The following RPS6KA6 variants were observed in gnomAD, a reference collection of about 807,000 sequenced individuals.
The protein encoded by RPS6KA6 is ribosomal protein S6 kinase alpha-6.
Under a neutral mutation model 65.4 loss-of-function variants are expected in RPS6KA6, and 27 were observed. The observed-to-expected ratio is 0.41, with a 90% CI of 0.30 to 0.57. The LOEUF is 0.57. RPS6KA6 is among the 20% of genes least tolerant of loss of function. RPS6KA6 has a pLI of 0.24. For missense variants in RPS6KA6, 486 were observed against 555.6 expected (o/e 0.87, Z 1.26); for synonymous variants, 190 against 184.2 (o/e 1.03, Z -0.26).
At chrX:84,159,904 A>G in intron 2 of RPS6KA6, among the ~76,000 whole-genome samples, 1 of 110,691 alleles carries the variant, frequency 9.0e-6, no homozygotes, top group Admixed American at 9.6e-5. Flanking sequence ...GAGAAGACTC[A>G]TCTATAAGCT....
In RPS6KA6 at chrX:84,062,160, G is replaced by T. The variant is rs1363367417; in HGVS notation, c.*2117C>A. On this transcript the variant is annotated 3_prime_UTR_variant, in exon 22 of 22. Coordinates refer to ENST00000262752, the MANE Select transcript of RPS6KA6 (RefSeq NM_014496.5). Reference sequence around the variant, plus strand: ...TTAATTCTTATAGTGTTCCTTTTATGATAGGACTGTATGGCATGACCTTTC... The same window carrying T: ...TTAATTCTTATAGTGTTCCTTTTATTATAGGACTGTATGGCATGACCTTTC... 9.0e-6 allele frequency: 1 copy of T among 111,419 alleles called. No homozygotes were observed. Among genetic ancestry groups the T allele is most frequent in the Non-Finnish European group, 1.9e-5 (1 of 52,910 alleles). The allele number at this position is 111,419 out of a possible 1,213,427, so 9.2% of individuals were successfully genotyped here.
intron 12 of RPS6KA6, among the ~76,000 whole-genome samples, chrX:84,114,022 C>T (rs978520470): frequency 1.8e-5 from 2 of 111,584 alleles, no homozygotes; most frequent in Non-Finnish European, 1.9e-5. Context: ...TTCTAATTAA[C>T]AATCTCATTA....
At chrX:84,135,488 G>A (rs2034976891) in intron 6 of RPS6KA6, among the ~76,000 whole-genome samples, 1 of 111,127 alleles carries the variant, frequency 9.0e-6, no homozygotes. Context: ...CTTCTCACAC[G>A]AAATGCAAAG....
intron 1 of RPS6KA6, among the ~76,000 whole-genome samples, 167 bp from the exon 2 acceptor site, chrX:84,164,554 T>TCTTA (rs1163492269): frequency 8.9e-6 from 1 of 112,106 alleles, no homozygotes; most frequent in Non-Finnish European, 1.9e-5. Flanking sequence ...GGAACACTAT[T>TCTTA]AACATGGTTC....
chrX:84,082,309 A>G (rs1024464673), intron 20 of RPS6KA6, among the ~76,000 whole-genome samples: 1 of 111,583 alleles, frequency 9.0e-6, no homozygotes, highest in African/African-American at 3.3e-5. Flanking sequence ...ATAACAGACA[A>G]AAAGAGAGAC....
intron 6 of RPS6KA6, among the ~76,000 whole-genome samples, chrX:84,142,752 T>C (rs148322474): frequency 0.013 from 1,457 of 111,360 alleles, 6 homozygotes; most frequent in Non-Finnish European, 0.021. Context: ...TTTGATGAAA[T>C]AGACAAATTC....
intron 5 of RPS6KA6, 25 bp downstream of exon 5, chrX:84,146,953 A>T: frequency 1.1e-6 from 1 of 872,496 alleles, no homozygotes; most frequent in Non-Finnish European, 1.6e-6. Context: ...TAAAATAAAT[A>T]AAAGAATAAA....
chrX:84,186,602 G>C (rs771041966), intron 1 of RPS6KA6, among the ~76,000 whole-genome samples: 3 of 111,013 alleles, frequency 2.7e-5, no homozygotes, highest in Non-Finnish European at 5.7e-5. Context: ...TGTTATTCTA[G>C]CATGTAATCT....
At chrX:84,187,303 A>T (rs1458287847) in intron 1 of RPS6KA6, 1 of 112,197 alleles carries the variant, frequency 8.9e-6, no homozygotes, top group Non-Finnish European at 1.9e-5. Flanking sequence ...GAGAAACGAG[A>T]AAGCTGTTAC....
chrX:84,141,318 A>T (rs1218643037), intron 6 of RPS6KA6, among the ~76,000 whole-genome samples: 1 of 110,466 alleles, frequency 9.1e-6, no homozygotes, highest in African/African-American at 3.3e-5. Context: ...GTTAAAACTT[A>T]TACTACAAAT....
chrX:84,159,134 C>T (rs866520764), intron 2 of RPS6KA6, among the ~76,000 whole-genome samples: 3 of 110,717 alleles, frequency 2.7e-5, no homozygotes, highest in African/African-American at 6.6e-5. Context: ...GCCACTAGCT[C>T]TTTTTTACTC....
chrX:84,151,879 A>G (rs1490119175), intron 3 of RPS6KA6, among the ~76,000 whole-genome samples: 2 of 111,912 alleles, frequency 1.8e-5, no homozygotes, highest in Non-Finnish European at 1.9e-5. Flanking sequence ...TGTACAAACA[A>G]TATCTTAGGA....
chrX:84,085,756 C>G (rs2033904811), intron 20 of RPS6KA6, among the ~76,000 whole-genome samples: 1 of 111,733 alleles, frequency 8.9e-6, no homozygotes, highest in African/African-American at 3.3e-5. Flanking sequence ...AGGAATGGTA[C>G]CAGCTCTTCT....
intron 1 of RPS6KA6, among the ~76,000 whole-genome samples, chrX:84,181,446 G>A (rs2147650368): frequency 8.9e-6 from 1 of 112,285 alleles, no homozygotes; most frequent in South Asian, 3.7e-4. Context: ...TTTGGCTCCA[G>A]TCATATCTTA....
At chrX:84,125,813 C>A (rs1246407619) in intron 8 of RPS6KA6, among the ~76,000 whole-genome samples, 1 of 110,403 alleles carries the variant, frequency 9.1e-6, no homozygotes, top group Non-Finnish European at 1.9e-5. Context: ...AAGATTGCAC[C>A]ACTTCACTCC....
In RPS6KA6 at chrX:84,094,711, T is replaced by C. The variant is rs1038198634; in HGVS notation, c.1971+1483A>G. The stretch of plus-strand genomic sequence containing the variant: ...ATAAAAGACCTTGCAAGTGGAGAAC[T>C]TGTTCTACAAAGATTCTTGGAAATG... On this transcript the variant is annotated intron_variant, in intron 20 of 21. Transcript: ENST00000262752. Among the ~76,000 whole-genome samples, 4 of 111,145 alleles carry C rather than the reference T, an allele frequency of 3.6e-5. No individual in the cohort carries two copies. The Admixed American group carries it at 3.8e-4, about 11-fold the overall frequency.
At chrX:84,089,589 G>A (rs1245946085) in intron 20 of RPS6KA6, among the ~76,000 whole-genome samples, 2 of 110,664 alleles carry the variant, frequency 1.8e-5, no homozygotes, top group African/African-American at 6.6e-5. Context: ...AAAGGCCCTG[G>A]TGGCATGGGC....
intron 8 of RPS6KA6, among the ~76,000 whole-genome samples, chrX:84,129,102 A>C (rs946095353): frequency 2.7e-5 from 3 of 111,455 alleles, no homozygotes; most frequent in African/African-American, 9.8e-5. Context: ...CCATCTGACA[A>C]GGGATTAGTA....
intron 20 of RPS6KA6, among the ~76,000 whole-genome samples, chrX:84,085,456 G>C (rs1235502030): frequency 8.9e-6 from 1 of 111,992 alleles, no homozygotes; most frequent in Non-Finnish European, 1.9e-5. Flanking sequence ...TTTGTCTTTA[G>C]TTCTGTCTAT....
Sources: gnomAD v4.1 joint callset for allele counts (sites outside exome capture counted in the v4.1 genomes callset) on GRCh38, gnomAD v4.1.1 for gene constraint, MANE v1.5 for transcripts, NCBI Gene and HGNC (gene_info 2026-07-23, HGNC 2026-07-21) for gene names.